Variants in MAML1 observed in about 807,000 individuals in gnomAD.
The protein encoded by MAML1 is mastermind like transcriptional coactivator 1, also known as mastermind-like protein 1.
A neutral mutation model predicts 77.1 loss-of-function variants in MAML1; 14 were observed. The observed-to-expected ratio is 0.18, with a 90% confidence interval of 0.12 to 0.28. MAML1 has a LOEUF of 0.28. MAML1 is among the 10% of genes least tolerant of loss of function. MAML1 has a pLI of 1.00. For synonymous variants in MAML1, 516 were observed against 551.9 expected, an observed-to-expected ratio of 0.93 and a Z score of 0.91; for missense variants, 1,217 against 1,327.8, an observed-to-expected ratio of 0.92 and a Z score of 1.30.
intron 1 of MAML1, among the ~76,000 whole-genome samples, chr5:179,761,248 G>A (rs960729684): frequency 5.3e-5 from 8 of 151,934 alleles, no homozygotes; most frequent in Admixed American, 3.3e-4. Flanking sequence ...AAAAAAATTA[G>A]CCAGTTATGG....
intron 3 of MAML1, among the ~76,000 whole-genome samples, chr5:179,770,435 A>C (rs1395772278): frequency 1.3e-5 from 2 of 152,154 alleles, no homozygotes; most frequent in East Asian, 3.9e-4. Context: ...CGACAGAGCA[A>C]GACTCCATCT....
Position 179,776,039 on chromosome 5 carries a change from C to G in MAML1, c.*1162C>G. 2 of 985,854 alleles carry G rather than the reference C, an allele frequency of 2.0e-6. No individual in the cohort carries two copies. Among genetic ancestry groups the G allele is most frequent in the Non-Finnish European group, 2.4e-6 (2 of 829,942 alleles). 61.1% of individuals were successfully genotyped at this position (985,854 alleles called of 1,614,324 possible). A position where few individuals can be genotyped will look rare whatever the true frequency, so the allele number is the denominator to read the frequency against. ...AGATTGCTTTATAACACTAAGACAT[C>G]CTTTCTAAAGATTCAAGTGGACTTG... On this transcript the variant is annotated 3_prime_UTR_variant, in exon 5 of 5. Coordinates refer to ENST00000292599, the MANE Select transcript of MAML1 (RefSeq NM_014757.5).
intron 1 of MAML1, among the ~76,000 whole-genome samples, chr5:179,764,995 ATGTG>A (rs34922506): frequency 7.4e-4 from 109 of 147,350 alleles, no homozygotes; most frequent in Admixed American, 1.6e-3. Flanking sequence ...TAATATATAT[ATGTG>A]TGTGTGTGTG....
intron 1 of MAML1, among the ~76,000 whole-genome samples, chr5:179,738,461 T>A (rs189139229): frequency 6.6e-6 from 1 of 152,338 alleles, no homozygotes; most frequent in East Asian, 1.9e-4. Context: ...AGATGATCAG[T>A]GTGGCTTTAG....
chr5:179,739,378 G>A (rs907988234), intron 1 of MAML1, among the ~76,000 whole-genome samples: 11 of 151,872 alleles, frequency 7.2e-5, no homozygotes, highest in Admixed American at 2.6e-4. Flanking sequence ...AGAACGGAAC[G>A]GAACGGAATA....
Position 179,775,243 on chromosome 5 carries a change from T to A in MAML1, c.*366T>A, listed in dbSNP as rs1392191740. 9.8e-7 allele frequency: 1 copy of A among 1,020,144 alleles called. No homozygotes were observed. Among genetic ancestry groups the A allele is most frequent in the African/African-American group, 1.7e-5 (1 of 58,490 alleles). 63.2% of individuals were successfully genotyped at this position (1,020,144 alleles called of 1,614,324 possible). ...CCATCATGGTGATTTTATCCAAGAC[T>A]GCTCCACTTACCCCAGTGCTGGGGA... On this transcript the variant is annotated 3_prime_UTR_variant, in exon 5 of 5. Coordinates refer to ENST00000292599, the MANE Select transcript of MAML1 (RefSeq NM_014757.5).
In MAML1 at chr5:179,766,260, A is replaced by G. The variant is rs1321393531; in HGVS notation, c.1250A>G (p.Gln417Arg). The stretch of plus-strand genomic sequence containing the variant: ...GAGCAGATGCTCCAGAACCCACAGC[A>G]GGCCACCCCGGCACCAGCCCCGGGC... ...KREQMLQNPQ[Q>R]ATPAPAPGQM... The change falls in exon 2 of 5, where the codon CAG becomes CGG. Residue 417 changes from glutamine to arginine, a missense_variant. Coordinates refer to ENST00000292599, the MANE Select transcript of MAML1 (RefSeq NM_014757.5). The surrounding 1 kb of genome is among the most constrained non-coding windows in gnomAD (Gnocchi z 4.0). 1.9e-6 allele frequency: 3 copies of G among 1,613,734 alleles called. No individual in the cohort carries two copies. In the Admixed American group the frequency reaches 5.0e-5, roughly 27 times the overall value.
In MAML1 at chr5:179,769,201, C is replaced by T; in HGVS notation, c.1971+112C>T. 11 of 1,451,032 alleles carry T rather than the reference C, an allele frequency of 7.6e-6. No individual in the cohort carries two copies. The South Asian group carries it at 1.2e-4, about 16-fold the overall frequency. The allele number at this position is 1,451,032 out of a possible 1,614,324, so 89.9% of individuals were successfully genotyped here. On this transcript the variant is annotated intron_variant, in intron 3 of 4. Coordinates refer to ENST00000292599, the MANE Select transcript of MAML1 (RefSeq NM_014757.5). The surrounding 1 kb of genome is among the most constrained non-coding windows in gnomAD (Gnocchi z 4.2). ...GTGTGGATTTGCGCAGACTTGCGTG[C>T]CTGTTGTTAGAGTGCTTTGCCTTTT...
In MAML1 at chr5:179,769,078, C is replaced by G. The variant is rs1755906110; in HGVS notation, c.1960C>G (p.Leu654Val). The part of the protein sequence containing the change: ...QQFLQRQQHL[L>V]AEQEKQQFQR... ...GTTCCTTCAGAGGCAACAGCACCTT[C>G]TCGCGGAACAGGTAAAAAGAAAAGT... is the stretch of plus-strand genomic sequence containing the variant. The change falls in exon 3 of 5, where the codon CTC (leucine) becomes GTC (valine). Residue 654 changes from leucine to valine, a missense_variant. Around this residue, in one of 3 missense-constraint regions of MAML1, gnomAD observed 884 missense variants for 949.3 expected, o/e 0.93. Coordinates refer to ENST00000292599, the MANE Select transcript of MAML1 (RefSeq NM_014757.5). The surrounding 1 kb of genome is among the most constrained non-coding windows in gnomAD (Gnocchi z 4.2). The G allele has an allele frequency of 6.2e-7, 1 of 1,614,160 alleles. No homozygotes were observed.
chr5:179,739,567 T>C (rs996306479), intron 1 of MAML1, among the ~76,000 whole-genome samples: 2 of 152,148 alleles, frequency 1.3e-5, no homozygotes, highest in African/African-American at 4.8e-5. Context: ...ATCTGTATTC[T>C]CAGCTCCTCG....
intron 1 of MAML1, among the ~76,000 whole-genome samples, chr5:179,735,696 AT>A (rs1209669011): frequency 9.0e-6 from 1 of 111,084 alleles, no homozygotes; most frequent in Non-Finnish European, 1.9e-5. Flanking sequence ...TAGCCTATTT[AT>A]TTTTTTTTGA....
At chr5:179,773,769 C>T in intron 4 of MAML1, 126 bp from the exon 5 acceptor site, 1 of 1,500,210 alleles carries the variant, frequency 6.7e-7, no homozygotes, top group East Asian at 2.3e-5. Flanking sequence ...GGCTTTCTGC[C>T]CCATGGCCCC....
chr5:179,743,077 A>T (rs1262739961), intron 1 of MAML1, among the ~76,000 whole-genome samples: 2 of 123,992 alleles, frequency 1.6e-5, no homozygotes, highest in Non-Finnish European at 3.2e-5. Flanking sequence ...TTTGAGACAG[A>T]GTTTCACTCC....
At chr5:179,746,468 G>C (rs1779386579) in intron 1 of MAML1, among the ~76,000 whole-genome samples, 1 of 151,934 alleles carries the variant, frequency 6.6e-6, no homozygotes, top group African/African-American at 2.4e-5. Context: ...TGCCTCCCAG[G>C]GTTCAAGTGA....
rs1157621466 is a variant in MAML1 at position 179,774,927 on chromosome 5, CTCAGATTCAAAG to C, written c.*51_*62del. 2.6e-6 allele frequency: 4 copies of C among 1,525,816 alleles called. No individual in the cohort carries two copies. The East Asian group carries it at 9.1e-5, about 35-fold the overall frequency. 94.5% of individuals were successfully genotyped at this position (1,525,816 alleles called of 1,614,324 possible). A position where few individuals can be genotyped will look rare whatever the true frequency, so the allele number is the denominator to read the frequency against. ...TGTTCATTCATCCTATATTTTTATT[CTCAGATTCAAAG>C]AAAGAGCAACTACTTTGGACCAAAA... On this transcript the variant is annotated 3_prime_UTR_variant, in exon 5 of 5. Transcript: ENST00000292599.
In MAML1 at chr5:179,766,787, A is replaced by G; in HGVS notation, c.1731+46A>G. Reference sequence around the variant, plus strand: ...TCTGTTCCTCTGCTGCAGACACTTCAGTGAGGTTACTCACTACTTTGGATG... The same window carrying G: ...TCTGTTCCTCTGCTGCAGACACTTCGGTGAGGTTACTCACTACTTTGGATG... On this transcript the variant is annotated intron_variant, in intron 2 of 4. Coordinates refer to ENST00000292599, the MANE Select transcript of MAML1 (RefSeq NM_014757.5). The surrounding 1 kb of genome is among the most constrained non-coding windows in gnomAD (Gnocchi z 4.0). 1.4e-6 allele frequency: 2 copies of G among 1,452,150 alleles called. No homozygotes were observed. Among genetic ancestry groups the G allele is most frequent in the East Asian group, 2.4e-5 (1 of 42,466 alleles). The allele number at this position is 1,452,150 out of a possible 1,614,324, so 90.0% of individuals were successfully genotyped here.
intron 1 of MAML1, among the ~76,000 whole-genome samples, chr5:179,752,779 A>T (rs1383247672): frequency 2.0e-5 from 3 of 146,536 alleles, no homozygotes; most frequent in Non-Finnish European, 4.5e-5. Flanking sequence ...CATTTATTTT[A>T]TTTTATTTTT....
chr5:179,769,009 C>T lies in MAML1; in HGVS notation c.1891C>T (p.Gln631Ter). The T allele has an allele frequency of 6.2e-7, 1 of 1,614,208 alleles. No homozygotes were observed. The highest frequency in any genetic ancestry group is 1.3e-5 in the African/African-American group (1 of 75,054). Residue 631 changes from glutamine to a stop codon, truncating the protein, a stop_gained, in exon 3 of 5, where the codon CAG (glutamine) becomes TAG (stop). Transcript: ENST00000292599. LOFTEE classifies it high-confidence loss of function. The surrounding 1 kb of genome is among the most constrained non-coding windows in gnomAD (Gnocchi z 4.2). ...MKQHQLLLDQ[Q>*]KQREQQQKHL... ...GCAGCATCAGTTGCTTTTGGACCAA[C>T]AGAAACAAAGGGAGCAGCAGCAAAA... is the stretch of plus-strand genomic sequence containing the variant.
chr5:179,748,749 A>G (rs1204222011), intron 1 of MAML1, among the ~76,000 whole-genome samples: 1 of 152,208 alleles, frequency 6.6e-6, no homozygotes, highest in African/African-American at 2.4e-5. Flanking sequence ...TTGATAGAAA[A>G]GATTTACAAG....
Sources: allele counts gnomAD v4.1 joint callset (sites outside exome capture counted in the v4.1 genomes callset), GRCh38; gene constraint gnomAD v4.1.1; regional missense constraint gnomAD v4.1.1; non-coding constraint Gnocchi (gnomAD v3.1); transcripts MANE v1.5; gene names NCBI Gene and HGNC (gene_info 2026-07-23, HGNC 2026-07-21).